The following CSMD3 variants were observed in gnomAD, a reference collection of about 807,000 sequenced individuals.
CSMD3 encodes CUB and Sushi multiple domains 3.
In CSMD3, 177 loss-of-function variants were observed where a neutral mutation model predicts 435.2. The observed-to-expected ratio is 0.41, with a 90% CI of 0.36 to 0.46. The LOEUF is 0.46. CSMD3 is among the 20% of genes least tolerant of loss of function. The pLI, the probability that CSMD3 is intolerant of heterozygous loss-of-function variation, is 0.34. For missense variants in CSMD3, 4,265 were observed against 4,504.6 expected (o/e 0.95, Z 1.52); for synonymous variants, 1,656 against 1,520.5 (o/e 1.09, Z -2.07).
intron 2 of CSMD3, among the ~76,000 whole-genome samples, chr8:113,279,289 C>A (rs1189048956): frequency 6.8e-6 from 1 of 147,278 alleles, no homozygotes; most frequent in Non-Finnish European, 1.5e-5. Context: ...ACAGAAGAGC[C>A]AGGTCTAAGA....
intron 17 of CSMD3, among the ~76,000 whole-genome samples, chr8:112,660,886 C>T (rs1345773502): frequency 6.6e-6 from 1 of 151,932 alleles, no homozygotes; most frequent in African/African-American, 2.4e-5. Context: ...TGGAAGAAGC[C>T]ATGAGATTAT....
chr8:113,096,557 CT>C (rs926627013), intron 5 of CSMD3, among the ~76,000 whole-genome samples: 11 of 151,228 alleles, frequency 7.3e-5, no homozygotes, highest in South Asian at 4.2e-4. Context: ...GCCACAGTGA[CT>C]TTTTTTTTAA....
chr8:112,313,770 A>G, intron 49 of CSMD3, 136 bp downstream of exon 49: 1 of 670,800 alleles, frequency 1.5e-6, no homozygotes, highest in Non-Finnish European at 2.6e-6. Flanking sequence ...GAGAGGTTAC[A>G]TAAATTGTCC....
At chr8:113,017,394 T>C (rs1484628430) in intron 6 of CSMD3, among the ~76,000 whole-genome samples, 1 of 151,986 alleles carries the variant, frequency 6.6e-6, no homozygotes, top group Non-Finnish European at 1.5e-5. Flanking sequence ...CATGAAATCA[T>C]ATTGCACAAA....
chr8:113,425,781 A>C (rs948149226), intron 1 of CSMD3, among the ~76,000 whole-genome samples: 1 of 151,600 alleles, frequency 6.6e-6, no homozygotes, highest in Non-Finnish European at 1.5e-5. Context: ...CAATACAGGT[A>C]ATTATGAGCC....
At chr8:113,373,899 TA>T (rs2094362267) in intron 1 of CSMD3, among the ~76,000 whole-genome samples, 1 of 152,128 alleles carries the variant, frequency 6.6e-6, no homozygotes, top group Non-Finnish European at 1.5e-5. Context: ...TCAATTTCAG[TA>T]AATGTATATG....
chr8:113,112,416 T>C (rs868190974), intron 4 of CSMD3, among the ~76,000 whole-genome samples: 2 of 10,194 alleles, frequency 2.0e-4, no homozygotes, highest in Non-Finnish European at 3.3e-4. Flanking sequence ...TATATATATA[T>C]ATATATATAT....
chr8:112,805,247 G>C (rs901313238), intron 12 of CSMD3, among the ~76,000 whole-genome samples: 1 of 152,124 alleles, frequency 6.6e-6, no homozygotes, highest in Non-Finnish European at 1.5e-5. Context: ...TCTGATTACT[G>C]TGTACCTTCT....
intron 28 of CSMD3, among the ~76,000 whole-genome samples, chr8:112,513,345 G>A (rs1249309589): frequency 2.0e-5 from 3 of 152,100 alleles, no homozygotes; most frequent in Non-Finnish European, 4.4e-5. Flanking sequence ...AATGCTCAGA[G>A]GCCATTGGTC....
chr8:112,558,467 T>A (rs1828327510), intron 24 of CSMD3, among the ~76,000 whole-genome samples: 1 of 151,908 alleles, frequency 6.6e-6, no homozygotes, highest in African/African-American at 2.4e-5. Flanking sequence ...TGACCATTCA[T>A]CACTGAACCG....
At chr8:112,774,495 G>A (rs184051800) in intron 13 of CSMD3, among the ~76,000 whole-genome samples, 42 of 151,984 alleles carry the variant, frequency 2.8e-4, no homozygotes, top group Middle Eastern at 3.4e-3. Flanking sequence ...TATGCCTCAC[G>A]GTGAAATTAT....
At chr8:113,104,577 A>G (rs1429893541) in intron 4 of CSMD3, among the ~76,000 whole-genome samples, 2 of 152,108 alleles carry the variant, frequency 1.3e-5, no homozygotes, top group African/African-American at 4.8e-5. Context: ...TGGGTAAATA[A>G]CTGGTAAATA....
chr8:112,411,110 A>T lies in CSMD3; in HGVS notation c.5396-2078T>A. ...AAGAGCTTTTTCTGAGGAAAAAGAA[A>T]AAAAAATTCATCTTTTTTTTTTTTT... On this transcript the variant is annotated intron_variant, in intron 32 of 70. Coordinates refer to ENST00000297405, the MANE Select transcript of CSMD3 (RefSeq NM_198123.2). Among the ~76,000 whole-genome samples the T allele has an allele frequency of 2.2e-5, 3 of 138,918 alleles. No homozygotes were observed. The South Asian group carries it at 7.1e-4, about 33-fold the overall frequency. 91.1% of individuals were successfully genotyped at this position (138,918 alleles called of 152,430 possible).
chr8:113,037,918 G>T (rs530862773), intron 5 of CSMD3, among the ~76,000 whole-genome samples: 1 of 152,280 alleles, frequency 6.6e-6, no homozygotes, highest in South Asian at 2.1e-4. Context: ...TTGTGGAAAA[G>T]GAATCAAAAT....
intron 26 of CSMD3, among the ~76,000 whole-genome samples, chr8:112,551,204 C>T (rs577815962): frequency 4.1e-4 from 63 of 151,936 alleles, no homozygotes; most frequent in African/African-American, 1.4e-3. Flanking sequence ...GTGCAAAATG[C>T]GTTACATATA....
intron 13 of CSMD3, among the ~76,000 whole-genome samples, chr8:112,704,242 T>C (rs1049813132): frequency 6.6e-6 from 1 of 151,968 alleles, no homozygotes; most frequent in African/African-American, 2.4e-5. Context: ...AACTGCTGAG[T>C]AGCTGGGATT....
At chr8:113,110,272 C>G (rs927979260) in intron 4 of CSMD3, among the ~76,000 whole-genome samples, 1 of 152,104 alleles carries the variant, frequency 6.6e-6, no homozygotes, top group African/African-American at 2.4e-5. Context: ...TTCCACTTCC[C>G]TTTATTAAAA....
At chr8:112,416,529 C>A (rs998626103) in intron 32 of CSMD3, among the ~76,000 whole-genome samples, 1 of 152,148 alleles carries the variant, frequency 6.6e-6, no homozygotes, top group Non-Finnish European at 1.5e-5. Flanking sequence ...ACTGCCTAAG[C>A]AAACCAGAAA....
At chr8:112,543,862 A>G (rs779687959) in intron 27 of CSMD3, among the ~76,000 whole-genome samples, 83 of 152,304 alleles carry the variant, frequency 5.4e-4, no homozygotes, top group Middle Eastern at 3.4e-3. Context: ...AAAATATGGG[A>G]AAGACACACA....
Sources: allele counts gnomAD v4.1 joint callset (sites outside exome capture counted in the v4.1 genomes callset), GRCh38; gene constraint gnomAD v4.1.1; transcripts MANE v1.5; gene names NCBI Gene and HGNC (gene_info 2026-07-23, HGNC 2026-07-21).